Variants in DEF8 observed in about 807,000 individuals in gnomAD.
DEF8 encodes the protein DEF-8.
In DEF8, 38 loss-of-function variants were observed where a neutral mutation model predicts 59.1. The observed-to-expected ratio is 0.64, with a 90% CI of 0.50 to 0.84. The LOEUF (loss-of-function observed/expected upper bound fraction) is 0.84. DEF8 is among the 40% of genes least tolerant of loss of function. The pLI is 0.00. For synonymous variants in DEF8, 265 were observed against 250.1 expected (o/e 1.06, Z -0.56); for missense variants, 557 against 615.2 (o/e 0.91, Z 1.00).
intron 5 of DEF8, 121 bp from the exon 6 acceptor site, chr16:89,958,893 T>G (rs1567797283): frequency 6.6e-7 from 1 of 1,517,340 alleles, no homozygotes; most frequent in African/African-American, 1.4e-5. Flanking sequence ...GGCATTGTGC[T>G]GAAACTCACA....
At chr16:89,959,799 C>T (rs933446442) in intron 6 of DEF8, among the ~76,000 whole-genome samples, 21 of 152,360 alleles carry the variant, frequency 1.4e-4, no homozygotes, top group African/African-American at 3.6e-4. Flanking sequence ...GCCCAGCCGG[C>T]GTCACGTGAC....
rs761105316 is a variant in DEF8, at chr16:89,954,284, G to A, written c.32G>A (p.Arg11Gln). ...TATGATGAGAAGCTGGCCCGTTTCC[G>A]GCAGGCCCACCTCAACCCCTTCAAC... MEYDEKLARF[R>Q]QAHLNPFNKQ... Residue 11 changes from arginine (R) to glutamine (Q), a missense_variant, in exon 3 of 13, where the codon CGG (arginine) becomes CAG (glutamine). Physicochemically the swap from Arg to Gln is conservative, Grantham distance 43. Coordinates refer to ENST00000563594, the MANE Select transcript of DEF8 (RefSeq NM_001242818.2). The surrounding 1 kb of genome is among the most constrained non-coding windows in gnomAD (Gnocchi z 4.3). 16 of 1,613,442 alleles carry A rather than the reference G, an allele frequency of 9.9e-6. No homozygotes were observed. Among genetic ancestry groups the A allele is most frequent in the Non-Finnish European group, 1.3e-5 (15 of 1,179,960 alleles).
chr16:89,954,286 C>T lies in DEF8; in HGVS notation c.34C>T (p.Gln12Ter), dbSNP rs1315655421. The change falls in exon 3 of 13, where the codon CAG (glutamine) becomes TAG (stop). Residue 12 changes from glutamine (Q) to a stop codon, truncating the protein, a stop_gained. Coordinates refer to ENST00000563594, the MANE Select transcript of DEF8 (RefSeq NM_001242818.2). LOFTEE classifies it high-confidence loss of function. The surrounding 1 kb of genome is among the most constrained non-coding windows in gnomAD (Gnocchi z 4.3). ...EYDEKLARFR[Q>*]AHLNPFNKQS... ...TGATGAGAAGCTGGCCCGTTTCCGG[C>T]AGGCCCACCTCAACCCCTTCAACAA... 2.5e-6 allele frequency: 4 copies of T among 1,613,354 alleles called. No individual in the cohort carries two copies. The highest frequency in any genetic ancestry group is 3.4e-6 in the Non-Finnish European group (4 of 1,179,970).
chr16:89,959,506 T>C, intron 6 of DEF8: 1 of 486,472 alleles, frequency 2.1e-6, no homozygotes, highest in Non-Finnish European at 3.3e-6. Context: ...GGTTTGGTTT[T>C]GTTTTTGAGA....
intron 12 of DEF8, among the ~76,000 whole-genome samples, 184 bp from the exon 13 acceptor site, chr16:89,965,677 C>A (rs1174367239): frequency 6.6e-6 from 1 of 152,108 alleles, no homozygotes; most frequent in Admixed American, 6.5e-5. Flanking sequence ...CCTGGAGGTC[C>A]ACATCTGCAC....
Position 89,957,511 on chromosome 16 carries a change from G to A in DEF8, c.223G>A (p.Gly75Ser). The change falls in exon 5 of 13, where the codon GGT becomes AGT. Residue 75 changes from glycine to serine, a missense_variant and splice_region_variant. Coordinates refer to ENST00000563594, the MANE Select transcript of DEF8 (RefSeq NM_001242818.2). ...LSEDHFSRPV[G>S]LFLASDVQQL... is the part of the protein sequence containing the mutation. Reference sequence around the variant, plus strand: ...CTGCCCCCGCCCCCAACCTGGGCAGGGTCTGTTCCTGGCCTCTGACGTCCA... The same window carrying A: ...CTGCCCCCGCCCCCAACCTGGGCAGAGTCTGTTCCTGGCCTCTGACGTCCA... 19 of 1,582,994 alleles carry A rather than the reference G, an allele frequency of 1.2e-5. No individual in the cohort carries two copies. Among genetic ancestry groups the A allele is most frequent in the Non-Finnish European group, 1.6e-5 (19 of 1,164,978 alleles).
In DEF8 at chr16:89,949,424, C is replaced by T. The variant is rs754137926; in HGVS notation, c.-100C>T. On this transcript the variant is annotated 5_prime_UTR_variant, in exon 2 of 13. Transcript: ENST00000563594. ...GGTGGCTTCTCCCTGCAGCAGGTGC[C>T]GAACCCACGGCCAGGCTTCCGTGGC... 2 of 1,605,738 alleles carry T rather than the reference C, an allele frequency of 1.2e-6. No individual in the cohort carries two copies. Among genetic ancestry groups the T allele is most frequent in the Admixed American group, 1.7e-5 (1 of 59,000 alleles).
At chr16:89,952,619 A>C (rs945515068) in intron 2 of DEF8, 2 of 152,348 alleles carry the variant, frequency 1.3e-5, no homozygotes, top group Admixed American at 6.5e-5. Flanking sequence ...GCTCCCTGGG[A>C]GACTGGGGAG....
Position 89,957,494 on chromosome 16 carries a change from G to T in DEF8, c.223-17G>T, listed in dbSNP as rs775586977. On this transcript the variant is annotated splice_polypyrimidine_tract_variant and intron_variant, in intron 4 of 12. Transcript: ENST00000563594. Reference sequence around the variant, plus strand: ...GCAGGATGGGCCTTTGACTGCCCCCGCCCCCAACCTGGGCAGGGTCTGTTC... The same window carrying T: ...GCAGGATGGGCCTTTGACTGCCCCCTCCCCCAACCTGGGCAGGGTCTGTTC... The T allele has an allele frequency of 6.4e-7, 1 of 1,569,620 alleles. No individual in the cohort carries two copies. The highest frequency in any genetic ancestry group is 8.6e-7 in the Non-Finnish European group (1 of 1,157,444).
At chr16:89,950,192 C>T (rs2031744117) in intron 2 of DEF8, 5 of 986,474 alleles carry the variant, frequency 5.1e-6, no homozygotes, top group Non-Finnish European at 6.0e-6. Flanking sequence ...GCGGCTTCCC[C>T]AGGCGTAGCT....
chr16:89,959,684 A>G (rs2151190435), intron 6 of DEF8, among the ~76,000 whole-genome samples: 1 of 152,200 alleles, frequency 6.6e-6, no homozygotes, highest in Middle Eastern at 3.4e-3. Flanking sequence ...TTTTTAGTAG[A>G]GACGGGGTTT....
At position 89,954,246 on chromosome 16, in the gene DEF8, G is replaced by A; in HGVS notation, c.-7G>A. 4 of 1,611,974 alleles carry A rather than the reference G, an allele frequency of 2.5e-6. No individual in the cohort carries two copies. Among genetic ancestry groups the A allele is most frequent in the South Asian group, 1.1e-5 (1 of 90,978 alleles). On this transcript the variant is annotated 5_prime_UTR_variant, in exon 3 of 13. Coordinates refer to ENST00000563594, the MANE Select transcript of DEF8 (RefSeq NM_001242818.2). This position sits in a 1 kb window ranked among gnomAD's most constrained non-coding sequence, Gnocchi z 4.3. ...CCTGGCCCTGCCTGGCCCTCAGGTG[G>A]GATGCTATGGAATATGATGAGAAGC...
In DEF8 at chr16:89,967,987, G is replaced by C. The variant is rs2034699509; in HGVS notation, c.*2024G>C. 1 of 152,520 alleles carries C rather than the reference G, an allele frequency of 6.6e-6. No individual in the cohort carries two copies. The highest frequency in any genetic ancestry group is 2.4e-5 in the African/African-American group (1 of 41,486). 9.4% of individuals were successfully genotyped at this position (152,520 alleles called of 1,614,324 possible). A position where few individuals can be genotyped will look rare whatever the true frequency, so the allele number is the denominator to read the frequency against. On this transcript the variant is annotated 3_prime_UTR_variant, in exon 13 of 13. Transcript: ENST00000563594. Reference sequence around the variant, plus strand: ...CACACATGGGTGGTCCCACAGCATGGGACCAGGCTGGCCTGAGGGATGCCC... The same window carrying C: ...CACACATGGGTGGTCCCACAGCATGCGACCAGGCTGGCCTGAGGGATGCCC...
chr16:89,956,205 C>G (rs2033156173), intron 4 of DEF8, among the ~76,000 whole-genome samples: 1 of 149,380 alleles, frequency 6.7e-6, no homozygotes, highest in Non-Finnish European at 1.5e-5. Flanking sequence ...CGCCTGTAAT[C>G]CAGCACTTTG....
intron 2 of DEF8, among the ~76,000 whole-genome samples, chr16:89,951,178 G>T (rs1409537195): frequency 1.3e-5 from 2 of 152,158 alleles, no homozygotes; most frequent in Non-Finnish European, 2.9e-5. Flanking sequence ...CACACAGCTA[G>T]GAGCTAGCAG....
chr16:89,955,259 GCCCTGTGGTAAGGTTT>G lies in DEF8; in HGVS notation c.216_222+9del. On this transcript the variant is annotated splice_donor_variant and splice_donor_5th_base_variant and coding_sequence_variant and intron_variant, in exon 4 of 13. Transcript: ENST00000563594. LOFTEE classifies it high-confidence loss of function. ...GGCCTGTCTGAGGACCACTTCTCCC[GCCCTGTGGTAAGGTTT>G]TAGATCTCGGAGGGGAGAGGGACTG... 6.2e-7 allele frequency: 1 copy of G among 1,613,522 alleles called. No individual in the cohort carries two copies. Among genetic ancestry groups the G allele is most frequent in the Non-Finnish European group, 8.5e-7 (1 of 1,179,748 alleles).
At position 89,966,920 on chromosome 16, in the gene DEF8, TG is replaced by T. The variant is rs1252413299; in HGVS notation, c.*962del. 2 of 183,982 alleles carry T rather than the reference TG, an allele frequency of 1.1e-5. No homozygotes were observed. Among genetic ancestry groups the T allele is most frequent in the Non-Finnish European group, 2.2e-5 (2 of 89,482 alleles). 11.4% of individuals were successfully genotyped at this position (183,982 alleles called of 1,614,324 possible). On this transcript the variant is annotated 3_prime_UTR_variant, in exon 13 of 13. Transcript: ENST00000563594. ...AATGACCAGCCAATGGCCTTTTGTTTGGGGGCCTGAGGTCAAGAGAGCTGAG... is the reference window on the plus strand; with the variant it reads ...AATGACCAGCCAATGGCCTTTTGTTTGGGGCCTGAGGTCAAGAGAGCTGAG...
rs919944666 is a variant in DEF8 at position 89,961,995 on chromosome 16, C to T, written c.808-17C>T. The stretch of plus-strand genomic sequence containing the variant: ...CCTGGGTGGGTGTGAGAGGTGTCAC[C>T]CGGCCGTGCCTGGCAGGTTTCTCGC... On this transcript the variant is annotated splice_polypyrimidine_tract_variant and intron_variant, in intron 8 of 12. Transcript: ENST00000563594. The T allele has an allele frequency of 6.2e-7, 1 of 1,613,356 alleles. No individual in the cohort carries two copies. Among genetic ancestry groups the T allele is most frequent in the Non-Finnish European group, 8.5e-7 (1 of 1,179,730 alleles).
chr16:89,950,155 C>T, intron 2 of DEF8: 2 of 987,196 alleles, frequency 2.0e-6, no homozygotes, highest in Non-Finnish European at 2.4e-6. Flanking sequence ...CTCCTCTGGC[C>T]ATGTTTTAAA....
Sources: allele counts gnomAD v4.1 joint callset (sites outside exome capture counted in the v4.1 genomes callset), GRCh38; gene constraint gnomAD v4.1.1; non-coding constraint Gnocchi (gnomAD v3.1); transcripts MANE v1.5; gene names NCBI Gene and HGNC (gene_info 2026-07-23, HGNC 2026-07-21).